LCT: variants seen among roughly 807,000 people sequenced by gnomAD.
The protein encoded by LCT is lactase/phlorizin hydrolase.
LCT carries 90 observed loss-of-function variants against 173.0 expected under a neutral mutation model. That is an observed-to-expected ratio of 0.52 (90% CI 0.44 to 0.62). The LOEUF (loss-of-function observed/expected upper bound fraction) is 0.62, where lower values mean the gene tolerates loss of function less well. Among genes scored for constraint, LCT ranks in the 20% least tolerant of loss-of-function variants. The pLI is 0.00. For synonymous variants in LCT, 853 were observed against 957.6 expected (o/e 0.89, Z 2.02); for missense variants, 1,864 against 2,431.4 (o/e 0.77, Z 4.91).
chr2:135,790,897 C>T lies in LCT; in HGVS notation c.5112-16G>A, dbSNP rs952896714. On this transcript the variant is annotated splice_polypyrimidine_tract_variant and intron_variant, in intron 14 of 16. Coordinates refer to ENST00000264162, the MANE Select transcript of LCT (RefSeq NM_002299.4). The surrounding 1 kb of genome is among the most constrained non-coding windows in gnomAD (Gnocchi z 4.1). ...AGCAACTCCTCTACAAGTTCAAAAACTAAAGATGAGGTCTTGTTTTGTAAA... is the reference window on the plus strand; with the variant it reads ...AGCAACTCCTCTACAAGTTCAAAAATTAAAGATGAGGTCTTGTTTTGTAAA... The T allele has an allele frequency of 3.8e-6, 6 of 1,588,458 alleles. No individual in the cohort carries two copies. Among genetic ancestry groups the T allele is most frequent in the Non-Finnish European group, 5.2e-6 (6 of 1,156,640 alleles).
At chr2:135,801,754 AG>A (rs2077629531) in intron 11 of LCT, among the ~76,000 whole-genome samples, 1 of 151,528 alleles carries the variant, frequency 6.6e-6, no homozygotes, top group Admixed American at 6.6e-5. Flanking sequence ...TTGTATTTTT[AG>A]TAGAGGTGGA....
chr2:135,811,870 C>T (rs896336857), intron 7 of LCT, among the ~76,000 whole-genome samples: 4 of 151,548 alleles, frequency 2.6e-5, no homozygotes, highest in Non-Finnish European at 5.9e-5. Flanking sequence ...CTGTTTGAGC[C>T]CAGGAGTTTG....
chr2:135,826,245 C>T (rs2077887757), intron 3 of LCT, among the ~76,000 whole-genome samples: 1 of 152,116 alleles, frequency 6.6e-6, no homozygotes, highest in South Asian at 2.1e-4. Context: ...TACCCAGACA[C>T]TGGTAGAAGT....
At chr2:135,833,363 G>C (rs2077954905) in intron 1 of LCT, among the ~76,000 whole-genome samples, 173 bp from the exon 2 acceptor site, 1 of 134,902 alleles carries the variant, frequency 7.4e-6, no homozygotes, top group Non-Finnish European at 1.5e-5. Context: ...TTCCTTTAGA[G>C]AGTGTTTTGT....
At position 135,809,538 on chromosome 2, in the gene LCT, G is replaced by T. The variant is rs748333670; in HGVS notation, c.2809C>A (p.His937Asn). 1.2e-6 allele frequency: 2 copies of T among 1,614,212 alleles called. No individual in the cohort carries two copies. The highest frequency in any genetic ancestry group is 1.7e-6 in the Non-Finnish European group (2 of 1,180,042). ...TCTTTCACATTGCTCCCTGGTGTGT[G>T]GGTAAAGTTATCCCAGATGCTGGGG... Reference protein sequence around the residue: ...KGPSIWDNFTHTPGSNVKDNA... With the variant: ...KGPSIWDNFTNTPGSNVKDNA... The change falls in exon 8 of 17, where the codon CAC becomes AAC. Residue 937 changes from histidine (H) to asparagine (N), a missense_variant. Around this residue, in one of 4 missense-constraint regions of LCT, gnomAD observed 755 missense variants for 926.3 expected, o/e 0.82. Coordinates refer to ENST00000264162, the MANE Select transcript of LCT (RefSeq NM_002299.4). The surrounding 1 kb of genome is among the most constrained non-coding windows in gnomAD (Gnocchi z 5.5).
At chr2:135,826,653 C>T (rs1354661347) in intron 3 of LCT, among the ~76,000 whole-genome samples, 1 of 152,192 alleles carries the variant, frequency 6.6e-6, no homozygotes, top group East Asian at 1.9e-4. Context: ...TGCTGCCTGT[C>T]AGAGGCACGC....
chr2:135,821,522 A>T (rs2077830095), intron 5 of LCT, among the ~76,000 whole-genome samples: 1 of 152,268 alleles, frequency 6.6e-6, no homozygotes, highest in South Asian at 2.1e-4. Flanking sequence ...AGGAGTTCAA[A>T]TCCTAGCTGG....
intron 1 of LCT, 125 bp downstream of exon 1, chr2:135,836,405 A>G (rs1347022282): frequency 2.3e-6 from 2 of 877,302 alleles, no homozygotes; most frequent in Non-Finnish European, 3.9e-6. Flanking sequence ...ATTTCTCCCT[A>G]TGCACAGACA....
rs1160916343 is a variant in LCT at position 135,800,653 on chromosome 2, T to A, written c.4820A>T (p.Asp1607Val). Residue 1607 changes from aspartate to valine, a missense_variant, in exon 12 of 17, where the codon GAT (aspartate) becomes GTT (valine). By Grantham distance (152) the Asp-to-Val change is radical (BLOSUM62 -3). Around this residue, in one of 4 missense-constraint regions of LCT, gnomAD observed 514 missense variants for 750.1 expected, o/e 0.69. Transcript: ENST00000264162. Reference sequence around the variant, plus strand: ...CTCCACATCCTCCTGGTTAGAGGGATCTCTGGGTTCAGCCCAGTCACTGCT... The same window carrying A: ...CTCCACATCCTCCTGGTTAGAGGGAACTCTGGGTTCAGCCCAGTCACTGCT... ...TISSDWAEPRDPSNQEDVEAA... is the reference protein window; with the variant it reads ...TISSDWAEPRVPSNQEDVEAA... The A allele has an allele frequency of 6.2e-7, 1 of 1,613,052 alleles. No individual in the cohort carries two copies. Among genetic ancestry groups the A allele is most frequent in the Non-Finnish European group, 8.5e-7 (1 of 1,180,026 alleles).
At chr2:135,828,172 G>A (rs1249836863) in intron 3 of LCT, among the ~76,000 whole-genome samples, 4 of 152,030 alleles carry the variant, frequency 2.6e-5, no homozygotes, top group Non-Finnish European at 5.9e-5. Flanking sequence ...CTACAGGTGC[G>A]TGCCACCACA....
chr2:135,805,749 G>C (rs930119272), intron 9 of LCT, among the ~76,000 whole-genome samples: 1 of 152,184 alleles, frequency 6.6e-6, no homozygotes, highest in African/African-American at 2.4e-5. Flanking sequence ...GGTCCCATAA[G>C]ATTATAATGG....
At position 135,812,581 on chromosome 2, in the gene LCT, G is replaced by A. The variant is rs1447152035; in HGVS notation, c.2083C>T (p.Pro695Ser). The A allele has an allele frequency of 6.2e-7, 1 of 1,613,322 alleles. No homozygotes were observed. The highest frequency in any genetic ancestry group is 2.2e-5 in the East Asian group (1 of 44,882). ...TAGCTAGGGATGCAGGTGTTTTGTGGGGCGTTGCTGATGAGGCGGGAGGTG... is the reference window on the plus strand; with the variant it reads ...TAGCTAGGGATGCAGGTGTTTTGTGAGGCGTTGCTGATGAGGCGGGAGGTG... The part of the protein sequence containing the change: ...HYTSRLISNA[P>S]QNTCIPSYDT... The change falls in exon 7 of 17, where the codon CCA becomes TCA. Residue 695 changes from proline (P) to serine (S), a missense_variant. Physicochemically the swap from Pro to Ser is moderately conservative, Grantham distance 74. Coordinates refer to ENST00000264162, the MANE Select transcript of LCT (RefSeq NM_002299.4).
intron 14 of LCT, among the ~76,000 whole-genome samples, chr2:135,791,895 T>G (rs2077535590): frequency 6.6e-6 from 1 of 152,246 alleles, no homozygotes; most frequent in Non-Finnish European, 1.5e-5. Context: ...GAGACAGGAC[T>G]TAGGTACAGC....
rs565336365 is a variant in LCT at position 135,817,966 on chromosome 2, C to G, written c.1082G>C (p.Arg361Thr). The G allele has an allele frequency of 1.2e-6, 2 of 1,613,756 alleles. No individual in the cohort carries two copies. Among genetic ancestry groups the G allele is most frequent in the Admixed American group, 3.3e-5 (2 of 60,014 alleles). Reference protein sequence around the residue: ...TDSSPASAYQRIWEAFANQSR... With the variant: ...TDSSPASAYQTIWEAFANQSR... ...CTGATTGGCAAATGCTTCCCAGATT[C>G]TCTGATAGGCAGAGGCAGGAGAGGA... The change falls in exon 6 of 17, where the codon AGA becomes ACA. Residue 361 changes from arginine to threonine, a missense_variant. Arg to Thr is a moderately conservative substitution (Grantham distance 71). Coordinates refer to ENST00000264162, the MANE Select transcript of LCT (RefSeq NM_002299.4).
At chr2:135,833,571 C>G (rs11885266) in intron 1 of LCT, among the ~76,000 whole-genome samples, 1 of 119,120 alleles carries the variant, frequency 8.4e-6, no homozygotes, top group Non-Finnish European at 1.6e-5. Flanking sequence ...CTCAGCCTCC[C>G]GAGTAGCTGG....
chr2:135,829,487 G>T, intron 3 of LCT, 106 bp downstream of exon 3: 2 of 860,756 alleles, frequency 2.3e-6, no homozygotes, highest in Non-Finnish European at 4.0e-6. Context: ...GGTCTCTGCT[G>T]TTGATGGAAG....
chr2:135,819,093 C>G (rs945308235), intron 5 of LCT, among the ~76,000 whole-genome samples: 3 of 152,182 alleles, frequency 2.0e-5, no homozygotes, highest in African/African-American at 7.2e-5. Flanking sequence ...AGTAACTTCT[C>G]CTTGCACACA....
chr2:135,817,284 C>T (rs1055637952), intron 6 of LCT, 57 bp downstream of exon 6: 100 of 1,572,938 alleles, frequency 6.4e-5, no homozygotes, highest in Non-Finnish European at 4.1e-5. Flanking sequence ...AAATGACTTT[C>T]TTCCAGCCAA....
intron 1 of LCT, among the ~76,000 whole-genome samples, chr2:135,833,770 G>A (rs896048263): frequency 2.0e-5 from 3 of 151,958 alleles, no homozygotes; most frequent in Admixed American, 6.6e-5. Flanking sequence ...TAAGTGCACA[G>A]TTCAGTATTA....
Sources: gnomAD v4.1 joint callset for allele counts (sites outside exome capture counted in the v4.1 genomes callset) on GRCh38, gnomAD v4.1.1 for gene constraint, gnomAD v4.1.1 regional missense constraint, Gnocchi (gnomAD v3.1) non-coding constraint, MANE v1.5 for transcripts, NCBI Gene and HGNC (gene_info 2026-07-23, HGNC 2026-07-21) for gene names.